The following NKAIN2 variants were observed in gnomAD, a reference collection of about 807,000 sequenced individuals.
NKAIN2 encodes sodium/potassium transporting ATPase interacting 2, also known as sodium/potassium-transporting ATPase subunit beta-1-interacting protein 2.
Under a neutral mutation model 32.6 loss-of-function variants are expected in NKAIN2, and 14 were observed. That is an observed-to-expected ratio of 0.43 (90% CI 0.28 to 0.67). NKAIN2 has a LOEUF of 0.67. NKAIN2 is among the 30% of genes least tolerant of loss of function. The probability of loss-of-function intolerance (pLI) is 0.17; values close to 1 mark genes in which losing one functional copy is unlikely to be tolerated. For missense variants in NKAIN2, 198 were observed against 258.3 expected (o/e 0.77, Z 1.60); for synonymous variants, 80 against 87.2 (o/e 0.92, Z 0.46).
intron 4 of NKAIN2, among the ~76,000 whole-genome samples, chr6:124,686,077 G>A (rs1312873201): frequency 6.6e-6 from 1 of 152,068 alleles, no homozygotes; most frequent in African/African-American, 2.4e-5. Flanking sequence ...GTAGGACTGG[G>A]GGCTTTGGTT....
chr6:124,287,205 T>C (rs1795594500), intron 2 of NKAIN2, among the ~76,000 whole-genome samples: 1 of 152,222 alleles, frequency 6.6e-6, no homozygotes, highest in Non-Finnish European at 1.5e-5. Context: ...TTGAAAAAGA[T>C]AAGTCTTCAT....
Position 124,494,374 on chromosome 6 carries a change from A to G in NKAIN2, c.273+139027A>G, listed in dbSNP as rs373932752. On this transcript the variant is annotated intron_variant, in intron 3 of 6. Transcript: ENST00000368417. ...CAAATGCACAAGAATATTCACAAAA[A>G]AGCCCTTTAAAGATAAGCGGCAGTA... 2.8e-4 allele frequency among the ~76,000 whole-genome samples: 43 copies of G among 152,242 alleles called. No homozygotes were observed. The East Asian group carries it at 7.2e-3, about 25-fold the overall frequency.
chr6:124,068,455 A>G (rs894756875), intron 1 of NKAIN2, among the ~76,000 whole-genome samples: 9 of 152,056 alleles, frequency 5.9e-5, no homozygotes, highest in African/African-American at 2.2e-4. Context: ...TAGTGGCACA[A>G]TCATGGCTCA....
At chr6:124,677,557 C>T (rs1773422480) in intron 4 of NKAIN2, among the ~76,000 whole-genome samples, 1 of 152,084 alleles carries the variant, frequency 6.6e-6, no homozygotes. Flanking sequence ...ATAGGTAAAA[C>T]AATCTATTAT....
At chr6:124,721,480 C>T (rs2114632897) in intron 4 of NKAIN2, among the ~76,000 whole-genome samples, 1 of 151,948 alleles carries the variant, frequency 6.6e-6, no homozygotes, top group East Asian at 1.9e-4. Flanking sequence ...CTTTCTGATG[C>T]AGAGTGTACA....
intron 1 of NKAIN2, among the ~76,000 whole-genome samples, chr6:123,974,483 C>T (rs1196642819): frequency 2.0e-5 from 3 of 152,014 alleles, no homozygotes; most frequent in Non-Finnish European, 2.9e-5. Flanking sequence ...TTGATAGAGA[C>T]CATGAAGTTT....
chr6:123,953,905 G>A (rs928716658), intron 1 of NKAIN2, among the ~76,000 whole-genome samples: 2 of 152,196 alleles, frequency 1.3e-5, no homozygotes, highest in Non-Finnish European at 2.9e-5. Context: ...GCTAGGGAGT[G>A]TGCACTTTGC....
intron 1 of NKAIN2, among the ~76,000 whole-genome samples, chr6:124,023,676 A>G (rs1212442757): frequency 1.3e-5 from 2 of 152,198 alleles, no homozygotes; most frequent in African/African-American, 2.4e-5. Flanking sequence ...AGGACAGATT[A>G]ACTTTACATT....
chr6:124,311,776 C>A (rs77454648), intron 2 of NKAIN2, among the ~76,000 whole-genome samples: 2,983 of 152,222 alleles, frequency 0.02, 51 homozygotes, highest in East Asian at 0.085. Flanking sequence ...GACCTGGTTG[C>A]AGAAAAGAGA....
intron 4 of NKAIN2, among the ~76,000 whole-genome samples, chr6:124,764,071 C>T (rs1252680326): frequency 6.6e-6 from 1 of 152,134 alleles, no homozygotes; most frequent in African/African-American, 2.4e-5. Context: ...GTCTTTGGCT[C>T]TTTAGATATC....
At chr6:124,528,477 C>T (rs1779402016) in intron 3 of NKAIN2, among the ~76,000 whole-genome samples, 1 of 152,126 alleles carries the variant, frequency 6.6e-6, no homozygotes, top group Non-Finnish European at 1.5e-5. Flanking sequence ...AATGCAGTTC[C>T]TTGAAGATAA....
intron 3 of NKAIN2, among the ~76,000 whole-genome samples, chr6:124,492,077 A>G (rs1486542307): frequency 6.6e-6 from 1 of 151,946 alleles, no homozygotes; most frequent in East Asian, 1.9e-4. Flanking sequence ...AAGGTAAAAG[A>G]AGACCTATTG....
chr6:124,769,147 C>A (rs1340289698), intron 4 of NKAIN2, among the ~76,000 whole-genome samples: 2 of 152,048 alleles, frequency 1.3e-5, no homozygotes, highest in Non-Finnish European at 2.9e-5. Flanking sequence ...CTGTGAGCAG[C>A]CTGTGGTTTT....
intron 1 of NKAIN2, among the ~76,000 whole-genome samples, chr6:124,048,759 A>G (rs1381968519): frequency 6.6e-6 from 1 of 151,738 alleles, no homozygotes; most frequent in Non-Finnish European, 1.5e-5. Flanking sequence ...TTCACCTGTC[A>G]ACAGAAAAGT....
intron 1 of NKAIN2, among the ~76,000 whole-genome samples, chr6:124,232,463 T>C (rs1272543951): frequency 1.3e-5 from 2 of 152,196 alleles, no homozygotes; most frequent in South Asian, 2.1e-4. Flanking sequence ...AATAGCAGAA[T>C]CTTTGAGGTA....
intron 3 of NKAIN2, among the ~76,000 whole-genome samples, chr6:124,514,139 C>T (rs979407882): frequency 1.3e-5 from 2 of 152,168 alleles, no homozygotes; most frequent in Admixed American, 6.6e-5. Flanking sequence ...ACAAAACTGG[C>T]ATGGGAGATG....
intron 4 of NKAIN2, among the ~76,000 whole-genome samples, chr6:124,663,781 A>C (rs1427113533): frequency 1.3e-5 from 2 of 152,176 alleles, no homozygotes; most frequent in African/African-American, 4.8e-5. Context: ...GACCTAATAG[A>C]TTTGTCAGTT....
chr6:124,580,869 C>G (rs142208868), intron 3 of NKAIN2, among the ~76,000 whole-genome samples: 233 of 151,888 alleles, frequency 1.5e-3, no homozygotes, highest in African/African-American at 5.2e-3. Flanking sequence ...GAACACAAAA[C>G]AAAAACAAAA....
intron 2 of NKAIN2, among the ~76,000 whole-genome samples, chr6:124,348,696 C>A (rs1034427762): frequency 2.0e-5 from 3 of 152,214 alleles, no homozygotes; most frequent in African/African-American, 4.8e-5. Flanking sequence ...TTCTGCATTT[C>A]CATCTGAGGT....
Sources: gnomAD v4.1 joint callset for allele counts (sites outside exome capture counted in the v4.1 genomes callset) on GRCh38, gnomAD v4.1.1 for gene constraint, MANE v1.5 for transcripts, NCBI Gene and HGNC (gene_info 2026-07-23, HGNC 2026-07-21) for gene names.